The following MACROD2 variants were observed in gnomAD, a reference collection of about 807,000 sequenced individuals.
MACROD2 encodes ADP-ribose glycohydrolase MACROD2.
A neutral mutation model predicts 70.4 loss-of-function variants in MACROD2; 36 were observed. That is an observed-to-expected ratio of 0.51 (90% CI 0.39 to 0.68). The LOEUF is 0.68. Among genes scored for constraint, MACROD2 ranks in the 30% least tolerant of loss-of-function variants. MACROD2 has a pLI of 0.00. For synonymous variants in MACROD2, 172 were observed against 178.8 expected (o/e 0.96, Z 0.30); for missense variants, 496 against 538.4 (o/e 0.92, Z 0.78).
chr20:15,899,185 T>C (rs1267940125), intron 10 of MACROD2, among the ~76,000 whole-genome samples: 1 of 151,764 alleles, frequency 6.6e-6, no homozygotes, highest in Non-Finnish European at 1.5e-5. Flanking sequence ...TATATGTATG[T>C]ATGCATCTAT....
chr20:14,546,049 A>G (rs1479717134), intron 4 of MACROD2, among the ~76,000 whole-genome samples: 1 of 152,160 alleles, frequency 6.6e-6, no homozygotes, highest in Non-Finnish European at 1.5e-5. Flanking sequence ...GATGAATGGG[A>G]ACAAATTATT....
At chr20:14,461,161 T>G (rs1030871097) in intron 3 of MACROD2, among the ~76,000 whole-genome samples, 1 of 152,070 alleles carries the variant, frequency 6.6e-6, no homozygotes, top group Non-Finnish European at 1.5e-5. Context: ...TGGGAGGGTG[T>G]ATGTGTCCAG....
chr20:14,902,427 G>A lies in MACROD2; in HGVS notation c.418+217468G>A, dbSNP rs183271807. Among the ~76,000 whole-genome samples, 37 of 152,238 alleles carry A rather than the reference G, an allele frequency of 2.4e-4. No homozygotes were observed. In the East Asian group the frequency reaches 3.5e-3, roughly 14 times the overall value. ...AACATTTCAAAGTAAAACAAGGATT[G>A]GCATCAGAGAAATTGAGTTCTGTGC... On this transcript the variant is annotated intron_variant, in intron 5 of 17. Coordinates refer to ENST00000684519, the MANE Select transcript of MACROD2 (RefSeq NM_001351661.2).
intron 2 of MACROD2, among the ~76,000 whole-genome samples, chr20:14,072,758 C>A (rs1015600543): frequency 1.3e-5 from 2 of 151,954 alleles, no homozygotes; most frequent in Non-Finnish European, 2.9e-5. Flanking sequence ...CACTGTGAAA[C>A]CCTGTCTCTA....
intron 4 of MACROD2, among the ~76,000 whole-genome samples, chr20:14,666,081 C>A (rs955275617): frequency 6.6e-6 from 1 of 152,026 alleles, no homozygotes; most frequent in Non-Finnish European, 1.5e-5. Flanking sequence ...GACCATGGCC[C>A]GTGAGGCATG....
intron 5 of MACROD2, among the ~76,000 whole-genome samples, chr20:14,869,492 G>A (rs534536904): frequency 9.9e-5 from 15 of 152,252 alleles, no homozygotes; most frequent in Middle Eastern, 3.4e-3. Flanking sequence ...TTCCTGCAGT[G>A]CTGTGAAAGG....
chr20:15,139,923 G>A (rs901748903), intron 5 of MACROD2, among the ~76,000 whole-genome samples: 6 of 152,178 alleles, frequency 3.9e-5, no homozygotes, highest in Admixed American at 3.9e-4. Context: ...GAGAGACTGC[G>A]ATGCAGTTCG....
chr20:14,156,960 G>A (rs1361625712), intron 3 of MACROD2, among the ~76,000 whole-genome samples: 1 of 152,166 alleles, frequency 6.6e-6, no homozygotes, highest in African/African-American at 2.4e-5. Flanking sequence ...ATTACCAGGA[G>A]TTTACCATTA....
intron 1 of MACROD2, among the ~76,000 whole-genome samples, chr20:13,996,892 TA>T (rs1303822809): frequency 1.3e-5 from 2 of 152,206 alleles, no homozygotes; most frequent in Non-Finnish European, 2.9e-5. Context: ...CAAAAGGATA[TA>T]GGGGTGACTA....
At chr20:14,722,759 A>C (rs1207409064) in intron 5 of MACROD2, among the ~76,000 whole-genome samples, 5 of 152,206 alleles carry the variant, frequency 3.3e-5, no homozygotes, top group Non-Finnish European at 7.3e-5. Context: ...AAAGCTAATA[A>C]AATTCTTTAA....
At chr20:14,621,253 G>C (rs149886164) in intron 4 of MACROD2, among the ~76,000 whole-genome samples, 4 of 152,184 alleles carry the variant, frequency 2.6e-5, no homozygotes, top group African/African-American at 9.6e-5. Flanking sequence ...TTACTGTGTT[G>C]TGTGTAATTC....
intron 5 of MACROD2, among the ~76,000 whole-genome samples, chr20:14,757,377 G>A (rs1047608474): frequency 7.2e-5 from 11 of 152,028 alleles, no homozygotes; most frequent in Non-Finnish European, 1.2e-4. Flanking sequence ...AAATTCAGTC[G>A]TAATACTCTC....
chr20:15,422,328 A>G (rs907392111), intron 6 of MACROD2, among the ~76,000 whole-genome samples: 1 of 152,180 alleles, frequency 6.6e-6, no homozygotes, highest in African/African-American at 2.4e-5. Context: ...GAGGAGAGAA[A>G]GCGTGTGGCT....
intron 2 of MACROD2, among the ~76,000 whole-genome samples, chr20:14,043,722 C>G (rs931641694): frequency 3.3e-5 from 5 of 152,092 alleles, no homozygotes; most frequent in Admixed American, 2.6e-4. Flanking sequence ...CAACGTAGGT[C>G]AGAGAATTTC....
chr20:14,718,170 G>A (rs1454309214), intron 5 of MACROD2, among the ~76,000 whole-genome samples: 2 of 151,522 alleles, frequency 1.3e-5, no homozygotes, highest in African/African-American at 4.9e-5. Flanking sequence ...GCACGTGCCT[G>A]TAATCCCAGC....
At chr20:16,046,675 CTTTTT>C in intron 17 of MACROD2, among the ~76,000 whole-genome samples, 1 of 85,502 alleles carries the variant, frequency 1.2e-5, no homozygotes, top group African/African-American at 4.9e-5. Context: ...GGTGTCAAAA[CTTTTT>C]TTTTTTTTTT....
intron 8 of MACROD2, among the ~76,000 whole-genome samples, chr20:15,857,202 C>T (rs1412227290): frequency 3.9e-5 from 6 of 152,112 alleles, no homozygotes; most frequent in African/African-American, 4.8e-5. Flanking sequence ...CTAACCGGGG[C>T]CCATGGAATG....
At chr20:15,235,768 T>C (rs914184700) in intron 6 of MACROD2, among the ~76,000 whole-genome samples, 3 of 152,196 alleles carry the variant, frequency 2.0e-5, no homozygotes, top group African/African-American at 7.2e-5. Context: ...AGAACACGTC[T>C]GCAGCCTTAA....
chr20:14,073,398 CTT>C (rs560306754), intron 2 of MACROD2, among the ~76,000 whole-genome samples: 3 of 151,646 alleles, frequency 2.0e-5, no homozygotes, highest in Non-Finnish European at 4.4e-5. Flanking sequence ...ACACATTTAA[CTT>C]TGGTTGAAAG....
Sources: gnomAD v4.1 joint callset for allele counts (sites outside exome capture counted in the v4.1 genomes callset) on GRCh38, gnomAD v4.1.1 for gene constraint, MANE v1.5 for transcripts, NCBI Gene and HGNC (gene_info 2026-07-23, HGNC 2026-07-21) for gene names.